Variants in PPARGC1A observed in about 807,000 individuals in gnomAD.
PPARGC1A encodes PPARG coactivator 1 alpha.
A neutral mutation model predicts 88.7 loss-of-function variants in PPARGC1A; 25 were observed. The ratio of observed to expected loss-of-function variants is 0.28; its 90% CI spans 0.21 to 0.39. The LOEUF (loss-of-function observed/expected upper bound fraction) is 0.39, where lower values mean the gene tolerates loss of function less well. Ranked by LOEUF, PPARGC1A falls within the 10% of genes least tolerant of loss-of-function variation. PPARGC1A has a pLI of 1.00. For synonymous variants in PPARGC1A, 363 were observed against 355.6 expected (o/e 1.02, Z -0.24); for missense variants, 880 against 968.7 (o/e 0.91, Z 1.22).
At chr4:24,254,109 T>A in the PPARGC1A span, among the ~76,000 whole-genome samples, 4 of 152,222 alleles carry the variant, frequency 2.6e-5, no homozygotes, top group African/African-American at 9.7e-5. Flanking sequence ...ATTTGTCACA[T>A]TCAGATGAAC....
At chr4:24,055,967 A>G in the PPARGC1A span, among the ~76,000 whole-genome samples, 1 of 152,240 alleles carries the variant, frequency 6.6e-6, no homozygotes, top group Admixed American at 6.5e-5. Flanking sequence ...TTGATTCTCT[A>G]ACACACATAA....
At chr4:24,104,462 C>A in the PPARGC1A span, among the ~76,000 whole-genome samples, 3 of 152,132 alleles carry the variant, frequency 2.0e-5, no homozygotes, top group African/African-American at 7.2e-5. Flanking sequence ...ATTCACTGAA[C>A]AAATACGTGT....
chr4:24,398,697 T>C, the PPARGC1A span, among the ~76,000 whole-genome samples: 1 of 152,236 alleles, frequency 6.6e-6, no homozygotes, highest in African/African-American at 2.4e-5. Flanking sequence ...TAATCCTGGA[T>C]TGTAAGATCA....
chr4:23,961,722 C>T, the PPARGC1A span, among the ~76,000 whole-genome samples: 104 of 151,794 alleles, frequency 6.9e-4, no homozygotes, highest in African/African-American at 2.4e-3. Flanking sequence ...CAGAACTGGC[C>T]CTCTTCCCTG....
chr4:23,930,154 G>T, the PPARGC1A span, among the ~76,000 whole-genome samples: 43 of 152,136 alleles, frequency 2.8e-4, no homozygotes, highest in Middle Eastern at 3.4e-3. Flanking sequence ...CCCCAAATCA[G>T]GTTTGAAATT....
At chr4:23,991,248 A>G in the PPARGC1A span, among the ~76,000 whole-genome samples, 4 of 152,082 alleles carry the variant, frequency 2.6e-5, no homozygotes, top group South Asian at 2.1e-4. Flanking sequence ...AAGGGATGTA[A>G]AAGTCCAATG....
At chr4:24,125,325 A>G in the PPARGC1A span, among the ~76,000 whole-genome samples, 19 of 152,128 alleles carry the variant, frequency 1.2e-4, no homozygotes, top group Non-Finnish European at 2.4e-4. Flanking sequence ...TTTTTGTCAC[A>G]GTGAGTACAC....
the PPARGC1A span, among the ~76,000 whole-genome samples, chr4:23,991,063 G>A: frequency 1.3e-5 from 2 of 151,972 alleles, no homozygotes; most frequent in East Asian, 1.9e-4. Context: ...AAAGAAAAGA[G>A]CTCTCTAGAA....
the PPARGC1A span, among the ~76,000 whole-genome samples, chr4:24,017,270 C>T: frequency 6.6e-6 from 1 of 152,044 alleles, no homozygotes; most frequent in Non-Finnish European, 1.5e-5. Context: ...ACCAGGTAAC[C>T]AGTTGTGACT....
upstream of PPARGC1A, among the ~76,000 whole-genome samples, chr4:23,905,538 C>G (rs751352678): frequency 2.0e-5 from 3 of 152,270 alleles, no homozygotes; most frequent in Admixed American, 6.5e-5. Flanking sequence ...CTCTGCTTCT[C>G]TAAGTTCACA....
At chr4:24,013,573 C>A in the PPARGC1A span, among the ~76,000 whole-genome samples, 1 of 152,272 alleles carries the variant, frequency 6.6e-6, no homozygotes, top group East Asian at 1.9e-4. Flanking sequence ...TCTTCCAGAG[C>A]TCCAGAGTAC....
chr4:24,119,860 A>G, the PPARGC1A span, among the ~76,000 whole-genome samples: 2 of 152,146 alleles, frequency 1.3e-5, no homozygotes, highest in South Asian at 4.1e-4. Context: ...TACTTATAAA[A>G]GGTGCCTGAA....
the PPARGC1A span, among the ~76,000 whole-genome samples, chr4:23,957,522 T>C: frequency 6.6e-6 from 1 of 152,130 alleles, no homozygotes; most frequent in African/African-American, 2.4e-5. Flanking sequence ...AAAGAAGGGA[T>C]TGAAACATAG....
chr4:23,919,125 T>C, the PPARGC1A span, among the ~76,000 whole-genome samples: 1 of 152,158 alleles, frequency 6.6e-6, no homozygotes, highest in East Asian at 1.9e-4. Flanking sequence ...TTGAAAAAAA[T>C]AATGTAAAAC....
intron 7 of PPARGC1A, among the ~76,000 whole-genome samples, chr4:23,822,084 T>C (rs541513719): frequency 6.6e-6 from 1 of 152,230 alleles, no homozygotes; most frequent in South Asian, 2.1e-4. Flanking sequence ...GTTATGAATA[T>C]GACTTTGAAA....
chr4:23,928,998 A>C, the PPARGC1A span, among the ~76,000 whole-genome samples: 1 of 152,030 alleles, frequency 6.6e-6, no homozygotes, highest in Non-Finnish European at 1.5e-5. Context: ...GGGGAGGGAG[A>C]GCATTAGGAA....
chr4:24,304,761 T>C, the PPARGC1A span, among the ~76,000 whole-genome samples: 1 of 152,140 alleles, frequency 6.6e-6, no homozygotes, highest in Non-Finnish European at 1.5e-5. Context: ...ACTGAAACTA[T>C]CCCTGGCAAA....
the PPARGC1A span, among the ~76,000 whole-genome samples, chr4:24,179,614 C>T: frequency 6.6e-6 from 1 of 152,178 alleles, no homozygotes; most frequent in Non-Finnish European, 1.5e-5. Flanking sequence ...CAATACAAAA[C>T]TGCCTAGCTA....
chr4:24,101,292 G>A, the PPARGC1A span, among the ~76,000 whole-genome samples: 13 of 152,116 alleles, frequency 8.5e-5, no homozygotes, highest in African/African-American at 3.1e-4. Flanking sequence ...CTTCTCCTGC[G>A]CCTTCTGCCA....
Sources: gnomAD v4.1 joint callset for allele counts (sites outside exome capture counted in the v4.1 genomes callset) on GRCh38, gnomAD v4.1.1 for gene constraint, MANE v1.5 for transcripts, NCBI Gene and HGNC (gene_info 2026-07-23, HGNC 2026-07-21) for gene names.